KDM4B: variants seen among roughly 807,000 people sequenced by gnomAD.
KDM4B encodes the protein lysine demethylase 4B.
Under a neutral mutation model 125.2 loss-of-function variants are expected in KDM4B, and 32 were observed. The ratio of observed to expected loss-of-function variants is 0.26; its 90% CI spans 0.19 to 0.34. The LOEUF (loss-of-function observed/expected upper bound fraction) is 0.34, where lower values mean the gene tolerates loss of function less well. KDM4B is among the 10% of genes least tolerant of loss of function. The pLI is 1.00. For missense variants in KDM4B, 1,190 were observed against 1,577.7 expected, an observed-to-expected ratio of 0.75 and a Z score of 4.16; for synonymous variants, 721 against 677.9, an observed-to-expected ratio of 1.06 and a Z score of -0.99.
At chr19:5,028,113 A>C (rs1032378317) in intron 2 of KDM4B, among the ~76,000 whole-genome samples, 1 of 152,124 alleles carries the variant, frequency 6.6e-6, no homozygotes, top group African/African-American at 2.4e-5. Flanking sequence ...AGTAGTTGGC[A>C]GGCACGCACC....
chr19:5,113,846 C>G (rs1458909272), intron 10 of KDM4B: 1 of 974,090 alleles, frequency 1.0e-6, no homozygotes, highest in Non-Finnish European at 1.2e-6. Flanking sequence ...GCCTTCCCTG[C>G]CCTCGGCGTG....
intron 1 of KDM4B, among the ~76,000 whole-genome samples, chr19:4,975,427 G>A (rs569403301): frequency 2.6e-4 from 39 of 151,984 alleles, no homozygotes; most frequent in African/African-American, 7.2e-4. Context: ...AACAGGTGGC[G>A]GGCAGGATTG....
At chr19:5,137,546 G>A in intron 16 of KDM4B, 75 bp from the exon 17 acceptor site, 1 of 1,451,146 alleles carries the variant, frequency 6.9e-7, no homozygotes, top group Non-Finnish European at 9.5e-7. Context: ...GGGACGGTTG[G>A]CAGATCAGGC....
At chr19:5,127,631 G>A (rs904595485) in intron 11 of KDM4B, among the ~76,000 whole-genome samples, 8 of 152,204 alleles carry the variant, frequency 5.3e-5, no homozygotes, top group Non-Finnish European at 2.9e-5. Flanking sequence ...TGTCTCCCAT[G>A]CCTGGTCCCT....
chr19:4,992,346 C>G (rs1232828966), intron 1 of KDM4B, among the ~76,000 whole-genome samples: 3 of 152,084 alleles, frequency 2.0e-5, no homozygotes, highest in Non-Finnish European at 2.9e-5. Flanking sequence ...TTTCCAGTGT[C>G]TTAAGGGAGA....
Position 5,070,946 on chromosome 19 carries a change from C to G in KDM4B, c.627-64C>G, listed in dbSNP as rs2037928521. On this transcript the variant is annotated intron_variant, in intron 6 of 22. Transcript: ENST00000159111. ...TGCGTCTCCCCAAGGCTGGTCCCAC[C>G]AGGGACACCCCCTTGCGTGGCTGCC... The G allele has an allele frequency of 4.5e-6, 7 of 1,568,770 alleles. No homozygotes were observed. In the South Asian group the frequency reaches 7.8e-5, roughly 18 times the overall value.
intron 1 of KDM4B, among the ~76,000 whole-genome samples, chr19:5,013,011 G>A (rs1418742601): frequency 6.6e-6 from 1 of 152,250 alleles, no homozygotes; most frequent in African/African-American, 2.4e-5. Context: ...GGTGGACAGA[G>A]GCCTAGGCTC....
intron 11 of KDM4B, among the ~76,000 whole-genome samples, chr19:5,123,737 C>T (rs1390029964): frequency 2.0e-5 from 3 of 152,310 alleles, no homozygotes; most frequent in Non-Finnish European, 4.4e-5. Context: ...GCAAGCTGGG[C>T]GCCTGAGCAT....
At chr19:5,050,710 C>G (rs2145722457) in intron 6 of KDM4B, among the ~76,000 whole-genome samples, 1 of 152,286 alleles carries the variant, frequency 6.6e-6, no homozygotes, top group African/African-American at 2.4e-5. Flanking sequence ...ACCATCTTGG[C>G]TAACACGGTG....
At chr19:5,063,308 A>G (rs965003243) in intron 6 of KDM4B, among the ~76,000 whole-genome samples, 2 of 151,954 alleles carry the variant, frequency 1.3e-5, no homozygotes, top group Non-Finnish European at 2.9e-5. Flanking sequence ...CTGGCTGATC[A>G]TTTTCTTGCG....
At chr19:5,032,301 C>T (rs749735111) in intron 2 of KDM4B, among the ~76,000 whole-genome samples, 2 of 152,328 alleles carry the variant, frequency 1.3e-5, no homozygotes, top group African/African-American at 2.4e-5. Flanking sequence ...GGAAATGAGC[C>T]GTCTTGGGCG....
chr19:5,150,175 C>A (rs1023148111), intron 21 of KDM4B, among the ~76,000 whole-genome samples, 183 bp from the exon 22 acceptor site: 30 of 152,254 alleles, frequency 2.0e-4, no homozygotes, highest in African/African-American at 6.8e-4. Flanking sequence ...GACCCTCAGC[C>A]TGATCCTTGT....
At chr19:5,008,848 G>A (rs934293154) in intron 1 of KDM4B, among the ~76,000 whole-genome samples, 6 of 143,542 alleles carry the variant, frequency 4.2e-5, no homozygotes, top group South Asian at 2.2e-4. Context: ...TGATCTGCCC[G>A]CCTTGGCCTC....
chr19:5,024,737 T>G (rs2036226938), intron 2 of KDM4B, among the ~76,000 whole-genome samples: 1 of 149,632 alleles, frequency 6.7e-6, no homozygotes, highest in African/African-American at 2.5e-5. Context: ...GATCATGAGG[T>G]CAGGAGTTGG....
At position 5,135,510 on chromosome 19, in the gene KDM4B, G is replaced by A. The variant is rs1367776635; in HGVS notation, c.2257G>A (p.Gly753Arg). ...TGCCAACTCCTACATCGGCGACGAC[G>A]GGACCAGCCCCCTGATCGCCTGCGG... ...LPANSYIGDDGTSPLIACGKC... is the reference protein window; with the variant it reads ...LPANSYIGDDRTSPLIACGKC... The change falls in exon 15 of 23, where the codon GGG becomes AGG. Residue 753 changes from glycine to arginine, a missense_variant. Transcript: ENST00000159111. The A allele has an allele frequency of 6.2e-7, 1 of 1,611,092 alleles. No individual in the cohort carries two copies. The highest frequency in any genetic ancestry group is 1.7e-5 in the Admixed American group (1 of 59,820).
chr19:5,010,521 C>T (rs1182696127), intron 1 of KDM4B, among the ~76,000 whole-genome samples: 2 of 152,210 alleles, frequency 1.3e-5, no homozygotes, highest in East Asian at 3.8e-4. Flanking sequence ...TGGCTCTTTC[C>T]TGCAGGAAAT....
intron 1 of KDM4B, among the ~76,000 whole-genome samples, chr19:5,007,965 A>G (rs1221898170): frequency 1.3e-5 from 2 of 152,124 alleles, no homozygotes; most frequent in Non-Finnish European, 2.9e-5. Context: ...GTTTAATCCT[A>G]TGGTTTTCCT....
At chr19:5,120,931 G>A (rs1201287215) in intron 11 of KDM4B, among the ~76,000 whole-genome samples, 1 of 152,180 alleles carries the variant, frequency 6.6e-6, no homozygotes, top group African/African-American at 2.4e-5. Flanking sequence ...CCCTCTGTAT[G>A]AGCCCAACAT....
intron 6 of KDM4B, among the ~76,000 whole-genome samples, chr19:5,059,181 G>A (rs2037503909): frequency 6.6e-6 from 1 of 152,230 alleles, no homozygotes; most frequent in African/African-American, 2.4e-5. Context: ...GCTGCTGCCG[G>A]CGGGGTTCAG....
Sources: gnomAD v4.1 joint callset for allele counts (sites outside exome capture counted in the v4.1 genomes callset) on GRCh38, gnomAD v4.1.1 for gene constraint, MANE v1.5 for transcripts, NCBI Gene and HGNC (gene_info 2026-07-23, HGNC 2026-07-21) for gene names.